STX18: variants seen among roughly 807,000 people sequenced by gnomAD.
The protein encoded by STX18 is syntaxin 18.
STX18 carries 40 observed loss-of-function variants against 50.1 expected under a neutral mutation model. The ratio of observed to expected loss-of-function variants is 0.80; its 90% confidence interval spans 0.62 to 1.04. The LOEUF (loss-of-function observed/expected upper bound fraction) is 1.04. STX18 is among the 50% of genes least tolerant of loss of function. STX18 has a pLI of 0.00. For missense variants in STX18, 410 were observed against 415.8 expected (o/e 0.99, Z 0.12); for synonymous variants, 158 against 151.8 (o/e 1.04, Z -0.30).
chr4:4,438,185 T>G (rs1362733352), intron 6 of STX18, among the ~76,000 whole-genome samples: 4 of 152,180 alleles, frequency 2.6e-5, no homozygotes, highest in Non-Finnish European at 5.9e-5. Context: ...AGCTCCCAGG[T>G]GACTGGGTGA....
chr4:4,444,699 T>A (rs1441145651), intron 5 of STX18, among the ~76,000 whole-genome samples: 1 of 152,220 alleles, frequency 6.6e-6, no homozygotes, highest in Admixed American at 6.5e-5. Flanking sequence ...CTGAGTTCCA[T>A]GAGTTCTTCT....
intron 5 of STX18, among the ~76,000 whole-genome samples, chr4:4,449,865 A>C (rs1324933914): frequency 6.6e-6 from 1 of 152,108 alleles, no homozygotes; most frequent in Admixed American, 6.5e-5. Flanking sequence ...ATTTATTTTT[A>C]TGCTTAAGTT....
intron 5 of STX18, 49 bp from the exon 6 acceptor site, chr4:4,438,558 T>A: frequency 6.8e-7 from 1 of 1,478,810 alleles, no homozygotes; most frequent in Non-Finnish European, 9.4e-7. Context: ...ATAACAGGAT[T>A]CCTTTTTGAA....
intron 2 of STX18, among the ~76,000 whole-genome samples, chr4:4,463,059 T>C (rs1178374281): frequency 1.3e-5 from 2 of 152,252 alleles, no homozygotes; most frequent in Admixed American, 6.5e-5. Context: ...CGGATGCCAC[T>C]GTGTTGTTCT....
At chr4:4,444,799 T>A (rs779368759) in intron 5 of STX18, among the ~76,000 whole-genome samples, 2 of 151,394 alleles carry the variant, frequency 1.3e-5, no homozygotes, top group Non-Finnish European at 1.5e-5. Context: ...CATAAAAAAA[T>A]GAACCACAAA....
intron 5 of STX18, among the ~76,000 whole-genome samples, chr4:4,455,798 T>G (rs1727032121): frequency 6.6e-6 from 1 of 152,076 alleles, no homozygotes. Context: ...ACTGGGAGAG[T>G]ACTCTTAGAA....
chr4:4,462,980 A>T (rs896540008), intron 2 of STX18, among the ~76,000 whole-genome samples: 5 of 152,218 alleles, frequency 3.3e-5, no homozygotes, highest in Non-Finnish European at 7.3e-5. Flanking sequence ...CTGTTTGAGT[A>T]TAATAACTGC....
At chr4:4,462,899 G>A (rs1330717516) in intron 2 of STX18, among the ~76,000 whole-genome samples, 1 of 152,152 alleles carries the variant, frequency 6.6e-6, no homozygotes, top group Non-Finnish European at 1.5e-5. Flanking sequence ...CTTCTTTACT[G>A]TACTAAGATG....
chr4:4,539,650 T>C (rs991843570), intron 1 of STX18, among the ~76,000 whole-genome samples: 7 of 152,232 alleles, frequency 4.6e-5, no homozygotes, highest in African/African-American at 1.4e-4. Flanking sequence ...GCAAGTTGCA[T>C]TGTCATGCGG....
chr4:4,487,233 G>T (rs1424244288), intron 1 of STX18, among the ~76,000 whole-genome samples: 1 of 152,212 alleles, frequency 6.6e-6, no homozygotes, highest in South Asian at 2.1e-4. Flanking sequence ...CATCAGTGGG[G>T]GTTTGTCTGC....
chr4:4,463,041 A>G (rs1727459799), intron 2 of STX18, among the ~76,000 whole-genome samples: 2 of 152,252 alleles, frequency 1.3e-5, no homozygotes, highest in African/African-American at 4.8e-5. Context: ...AAGTTGCAGA[A>G]GAACACCCGG....
In STX18 at chr4:4,457,457, G is replaced by A. The variant is rs571862656; in HGVS notation, c.396C>T (p.Thr132=). 38 of 1,613,920 alleles carry A rather than the reference G, an allele frequency of 2.4e-5. No individual in the cohort carries two copies. Among genetic ancestry groups the A allele is most frequent in the South Asian group, 1.9e-4 (17 of 90,994 alleles). ...AATCTTCAATGAAATCCAAAACAGC[G>A]GTCCTGTGCTCCTTCACTTGCTGGG... ...IHSQQVKEHR[T]AVLDFIEDYL... Residue 132 remains threonine (T), a synonymous_variant, in exon 4 of 11, where the codon ACC becomes ACT. Transcript: ENST00000306200.
chr4:4,437,204 C>T lies in STX18; in HGVS notation c.613+1190G>A, dbSNP rs138172927. ...TCCTGACCTCAGGTGATCCAACCCG[C>T]CTTGGCCTCCCAAAGTGCTGGGATT... On this transcript the variant is annotated intron_variant, in intron 6 of 10. Coordinates refer to ENST00000306200, the MANE Select transcript of STX18 (RefSeq NM_016930.4). Among the ~76,000 whole-genome samples, 18 of 152,248 alleles carry T rather than the reference C, an allele frequency of 1.2e-4. 1 individual carries two copies. The East Asian group carries it at 3.5e-3, about 29-fold the overall frequency.
At chr4:4,465,331 G>C (rs1037808554) in intron 2 of STX18, among the ~76,000 whole-genome samples, 1 of 152,156 alleles carries the variant, frequency 6.6e-6, no homozygotes, top group African/African-American at 2.4e-5. Flanking sequence ...ATTCACAATA[G>C]CAAAGACATG....
chr4:4,510,722 T>G (rs1232940860), intron 1 of STX18, among the ~76,000 whole-genome samples: 2 of 152,230 alleles, frequency 1.3e-5, no homozygotes, highest in Admixed American at 1.3e-4. Flanking sequence ...TTTGCAGCAC[T>G]ATTTACAATG....
intron 1 of STX18, among the ~76,000 whole-genome samples, chr4:4,498,878 A>G (rs970464629): frequency 6.6e-6 from 1 of 152,246 alleles, no homozygotes; most frequent in African/African-American, 2.4e-5. Context: ...GGTCTTTAGA[A>G]TAAGTAAGAC....
At chr4:4,489,810 G>C (rs1728866195) in intron 1 of STX18, among the ~76,000 whole-genome samples, 1 of 152,012 alleles carries the variant, frequency 6.6e-6, no homozygotes, top group Non-Finnish European at 1.5e-5. Flanking sequence ...ATAATAGTTA[G>C]GTCCTGAGCA....
intron 1 of STX18, among the ~76,000 whole-genome samples, chr4:4,537,312 T>C (rs189170841): frequency 6.6e-6 from 1 of 152,332 alleles, no homozygotes; most frequent in East Asian, 1.9e-4. Context: ...TCCCAGGCAC[T>C]GTGAGGGATG....
At chr4:4,461,864 T>C in intron 2 of STX18, 1 of 456,260 alleles carries the variant, frequency 2.2e-6, no homozygotes, top group Non-Finnish European at 4.4e-6. Context: ...GCATGGGGTG[T>C]GCATATAGTC....
Sources: gnomAD v4.1 joint callset for allele counts (sites outside exome capture counted in the v4.1 genomes callset) on GRCh38, gnomAD v4.1.1 for gene constraint, MANE v1.5 for transcripts, NCBI Gene and HGNC (gene_info 2026-07-23, HGNC 2026-07-21) for gene names.